DLG2: variants seen among roughly 807,000 people sequenced by gnomAD.
The protein encoded by DLG2 is discs large MAGUK scaffold protein 2.
A neutral mutation model predicts 132.5 loss-of-function variants in DLG2; 45 were observed. The observed-to-expected ratio is 0.34, with a 90% CI of 0.27 to 0.44. The LOEUF (loss-of-function observed/expected upper bound fraction) is 0.44. Among genes scored for constraint, DLG2 ranks in the 20% least tolerant of loss-of-function variants. The pLI, the probability that DLG2 is intolerant of heterozygous loss-of-function variation, is 1.00. For missense variants in DLG2, 1,045 were observed against 1,196.9 expected, an observed-to-expected ratio of 0.87 and a Z score of 1.87; for synonymous variants, 424 against 419.6, an observed-to-expected ratio of 1.01 and a Z score of -0.13.
At chr11:85,375,960 C>A (rs958585196) in intron 3 of DLG2, among the ~76,000 whole-genome samples, 5 of 151,984 alleles carry the variant, frequency 3.3e-5, no homozygotes, top group Non-Finnish European at 5.9e-5. Context: ...AAAATAAGTC[C>A]AATGAGAAAG....
chr11:84,357,580 G>A (rs2154417975), intron 7 of DLG2, among the ~76,000 whole-genome samples: 1 of 152,108 alleles, frequency 6.6e-6, no homozygotes, highest in South Asian at 2.1e-4. Flanking sequence ...AGGATTACTT[G>A]TTGAATGAAC....
chr11:84,233,037 C>A (rs549670822), intron 8 of DLG2, among the ~76,000 whole-genome samples: 1 of 152,308 alleles, frequency 6.6e-6, no homozygotes, highest in East Asian at 1.9e-4. Flanking sequence ...AACCTCAAAG[C>A]ACCTTTCAGT....
intron 10 of DLG2, among the ~76,000 whole-genome samples, chr11:84,076,303 A>C (rs2096829462): frequency 6.6e-6 from 1 of 152,206 alleles, no homozygotes; most frequent in South Asian, 2.1e-4. Flanking sequence ...ACAGAAAGCC[A>C]AACATGAAAT....
At chr11:84,101,065 A>G (rs2154181867) in intron 9 of DLG2, among the ~76,000 whole-genome samples, 1 of 152,270 alleles carries the variant, frequency 6.6e-6, no homozygotes, top group Middle Eastern at 3.4e-3. Flanking sequence ...TATAATCATG[A>G]ATTTATTTAA....
At chr11:84,914,120 C>T (rs1409685538) in intron 6 of DLG2, among the ~76,000 whole-genome samples, 1 of 152,118 alleles carries the variant, frequency 6.6e-6, no homozygotes, top group Non-Finnish European at 1.5e-5. Flanking sequence ...AAATAAATAA[C>T]AAATAAATTT....
chr11:85,029,687 A>T (rs992094571), intron 6 of DLG2, among the ~76,000 whole-genome samples: 1 of 152,176 alleles, frequency 6.6e-6, no homozygotes, highest in South Asian at 2.1e-4. Context: ...TTTTCTGTAC[A>T]TTATGAACTA....
intron 3 of DLG2, among the ~76,000 whole-genome samples, chr11:85,585,234 C>T (rs1009907441): frequency 6.6e-6 from 1 of 152,150 alleles, no homozygotes; most frequent in African/African-American, 2.4e-5. Context: ...TGCCGATTAT[C>T]CCAGAACCAT....
chr11:84,693,800 C>T (rs1296353147), intron 6 of DLG2, among the ~76,000 whole-genome samples: 2 of 151,596 alleles, frequency 1.3e-5, no homozygotes, highest in African/African-American at 4.8e-5. Flanking sequence ...CAGAAGTCTG[C>T]TTTTAATATA....
chr11:83,849,776 C>G (rs1308300604), intron 16 of DLG2, among the ~76,000 whole-genome samples: 1 of 117,232 alleles, frequency 8.5e-6, no homozygotes. Context: ...AAAAAAAAAG[C>G]ATAAAATATT....
chr11:83,624,659 C>T (rs778170202), intron 19 of DLG2, among the ~76,000 whole-genome samples: 1 of 152,160 alleles, frequency 6.6e-6, no homozygotes, highest in Non-Finnish European at 1.5e-5. Context: ...TTCAGTTTAA[C>T]GTCATCCTAA....
At chr11:83,742,112 C>G (rs1057473743) in intron 18 of DLG2, among the ~76,000 whole-genome samples, 5 of 152,158 alleles carry the variant, frequency 3.3e-5, no homozygotes, top group African/African-American at 9.6e-5. Context: ...AGAAACTTCA[C>G]AAACGTTTTC....
intron 7 of DLG2, among the ~76,000 whole-genome samples, chr11:84,296,348 T>C (rs1413686523): frequency 1.3e-5 from 2 of 152,214 alleles, no homozygotes; most frequent in African/African-American, 2.4e-5. Context: ...GATTCCACTG[T>C]AAATGTTCTC....
At chr11:84,085,010 T>C (rs960820113) in intron 10 of DLG2, among the ~76,000 whole-genome samples, 6 of 152,228 alleles carry the variant, frequency 3.9e-5, no homozygotes, top group Non-Finnish European at 5.9e-5. Flanking sequence ...GAATAAAATC[T>C]GTTTCTACCA....
intron 6 of DLG2, among the ~76,000 whole-genome samples, chr11:84,769,015 A>C (rs2068848155): frequency 6.6e-6 from 1 of 152,172 alleles, no homozygotes; most frequent in African/African-American, 2.4e-5. Context: ...ATAATTTAAA[A>C]TAATTAGAAG....
At chr11:84,267,297 G>A (rs2097652439) in intron 7 of DLG2, among the ~76,000 whole-genome samples, 1 of 152,164 alleles carries the variant, frequency 6.6e-6, no homozygotes, top group Admixed American at 6.5e-5. Flanking sequence ...GTTAATCAGG[G>A]TTGAAGTAAG....
intron 6 of DLG2, among the ~76,000 whole-genome samples, chr11:84,757,628 G>GTGATGA (rs1216731389): frequency 6.6e-6 from 1 of 152,144 alleles, no homozygotes; most frequent in African/African-American, 2.4e-5. Flanking sequence ...GATGATGATG[G>GTGATGA]TGATGATGAT....
At chr11:84,615,170 T>C (rs77307806) in intron 6 of DLG2, among the ~76,000 whole-genome samples, 3,349 of 152,226 alleles carry the variant, frequency 0.022, 143 homozygotes, top group African/African-American at 0.076. Flanking sequence ...ATAATTGTAA[T>C]TCTGGGGTAG....
intron 18 of DLG2, among the ~76,000 whole-genome samples, chr11:83,651,084 C>G (rs114308811): frequency 2.0e-5 from 3 of 151,758 alleles, no homozygotes; most frequent in African/African-American, 7.3e-5. Context: ...TACCTGTTTC[C>G]CCTGCCAGCC....
chr11:83,471,766 A>C, intron 23 of DLG2, 39 bp from the exon 24 acceptor site: 1 of 1,560,728 alleles, frequency 6.4e-7, no homozygotes, highest in Non-Finnish European at 8.8e-7. Context: ...AAAGAGAAAG[A>C]GTTGGAAACA....
Sources: gnomAD v4.1 joint callset for allele counts (sites outside exome capture counted in the v4.1 genomes callset) on GRCh38, gnomAD v4.1.1 for gene constraint, MANE v1.5 for transcripts, NCBI Gene and HGNC (gene_info 2026-07-23, HGNC 2026-07-21) for gene names.